The following HDAC9 variants were observed in gnomAD, a reference collection of about 807,000 sequenced individuals.
The protein encoded by HDAC9 is MEF-2 interacting transcription repressor (MITR) protein.
In HDAC9, 41 loss-of-function variants were observed where a neutral mutation model predicts 139.4. The observed-to-expected ratio is 0.29, with a 90% CI of 0.23 to 0.38. The LOEUF is 0.38. Among genes scored for constraint, HDAC9 ranks in the 10% least tolerant of loss-of-function variants. The probability of loss-of-function intolerance (pLI) is 1.00; values close to 1 mark genes in which losing one functional copy is unlikely to be tolerated. For missense variants in HDAC9, 1,147 were observed against 1,297.0 expected, an observed-to-expected ratio of 0.88 and a Z score of 1.78; for synonymous variants, 517 against 476.2, an observed-to-expected ratio of 1.09 and a Z score of -1.12.
chr7:18,936,267 T>A (rs1257677740), intron 23 of HDAC9, among the ~76,000 whole-genome samples: 1 of 150,444 alleles, frequency 6.6e-6, no homozygotes, highest in African/African-American at 2.5e-5. Context: ...AGGTTTCTTG[T>A]AGGGTTATGT....
chr7:18,321,042 G>A (rs1262734547), intron 1 of HDAC9, among the ~76,000 whole-genome samples: 2 of 152,142 alleles, frequency 1.3e-5, no homozygotes, highest in African/African-American at 4.8e-5. Flanking sequence ...TGTAGGCTAC[G>A]TATTTTCATA....
At chr7:18,571,611 ATTTTATT>A (rs946057468) in intron 2 of HDAC9, among the ~76,000 whole-genome samples, 11 of 151,850 alleles carry the variant, frequency 7.2e-5, no homozygotes, top group South Asian at 4.2e-4. Context: ...TTAAAACTTT[ATTTTATT>A]TTTTATTTTT....
intron 22 of HDAC9, among the ~76,000 whole-genome samples, chr7:18,906,543 C>G (rs184566913): frequency 6.6e-6 from 1 of 152,276 alleles, no homozygotes; most frequent in Admixed American, 6.5e-5. Context: ...GTTTTCTGCC[C>G]TGCTACAAAT....
intron 1 of HDAC9, among the ~76,000 whole-genome samples, chr7:18,313,185 C>T (rs939654253): frequency 3.9e-5 from 6 of 151,958 alleles, no homozygotes; most frequent in Non-Finnish European, 8.8e-5. Context: ...TAGCTGATTT[C>T]AGGGAAAAAG....
chr7:18,320,808 G>A (rs554544786), intron 1 of HDAC9, among the ~76,000 whole-genome samples: 8 of 152,176 alleles, frequency 5.3e-5, no homozygotes, highest in South Asian at 4.1e-4. Context: ...GCACTGGGCC[G>A]GGGGTAGACC....
intron 1 of HDAC9, among the ~76,000 whole-genome samples, chr7:18,468,285 G>A (rs1285715495): frequency 6.6e-6 from 1 of 152,044 alleles, no homozygotes; most frequent in African/African-American, 2.4e-5. Context: ...CTTCTGTATG[G>A]GAGATTTATC....
chr7:18,964,857 G>A (rs1379737205), intron 24 of HDAC9, among the ~76,000 whole-genome samples: 1 of 152,162 alleles, frequency 6.6e-6, no homozygotes, highest in African/African-American at 2.4e-5. Flanking sequence ...AACCTGTGGG[G>A]ATTATGAGGA....
At chr7:18,104,121 A>G (rs1783038642) in intron 1 of HDAC9, among the ~76,000 whole-genome samples, 1 of 152,210 alleles carries the variant, frequency 6.6e-6, no homozygotes, top group African/African-American at 2.4e-5. Flanking sequence ...CAAGGGGAGC[A>G]TGTGCAAACT....
chr7:18,758,069 G>C (rs1349305860), intron 14 of HDAC9, among the ~76,000 whole-genome samples: 1 of 152,126 alleles, frequency 6.6e-6, no homozygotes, highest in Non-Finnish European at 1.5e-5. Context: ...CACAGGGAAC[G>C]ATAAGGTAAC....
At chr7:18,157,338 G>T (rs111826370) in intron 1 of HDAC9, among the ~76,000 whole-genome samples, 6 of 152,104 alleles carry the variant, frequency 3.9e-5, no homozygotes, top group African/African-American at 1.4e-4. Context: ...AAACCATAGG[G>T]GTTATACATG....
chr7:18,572,878 C>T (rs962659628), intron 2 of HDAC9, among the ~76,000 whole-genome samples: 2 of 152,088 alleles, frequency 1.3e-5, no homozygotes, highest in African/African-American at 4.8e-5. Flanking sequence ...AACTAAGTGG[C>T]CATTACAGAT....
rs1214395517 is a variant in HDAC9 at position 18,382,706 on chromosome 7, A to G, written c.-42+92191A>G. ...TGTGTTTGCAGAAAAATTATTAGAA[A>G]TGACATGAAGGAATAGTAAGCTGAG... On this transcript the variant is annotated intron_variant, in intron 1 of 3. Coordinates refer to the HDAC9 transcript ENST00000413509. Among the ~76,000 whole-genome samples, 3 of 152,248 alleles carry G rather than the reference A, an allele frequency of 2.0e-5. No individual in the cohort carries two copies. The East Asian group carries it at 5.8e-4, about 29-fold the overall frequency.
At chr7:18,344,663 G>C (rs1782264571) in intron 1 of HDAC9, among the ~76,000 whole-genome samples, 1 of 151,726 alleles carries the variant, frequency 6.6e-6, no homozygotes, top group African/African-American at 2.4e-5. Context: ...CCTTTGTTTT[G>C]GCAGAAAAAA....
rs116359270 is a variant in HDAC9 at position 18,107,922 on chromosome 7, G to T, written c.-97+20709G>T. 6.6e-3 allele frequency among the ~76,000 whole-genome samples: 1,004 copies of T among 151,916 alleles called. 14 individuals are homozygous for T. The highest frequency in any genetic ancestry group is 0.023 in the African/African-American group (972 of 41,432). The stretch of plus-strand genomic sequence containing the variant: ...TTTTAAAACTAGAAATTCTTGTTTC[G>T]ACCCTATATGTCTTATTTGGGTTCT... On this transcript the variant is annotated intron_variant, in intron 1 of 12. Transcript: ENST00000417496.
chr7:18,335,671 C>A (rs530521590), intron 1 of HDAC9, among the ~76,000 whole-genome samples: 1 of 151,646 alleles, frequency 6.6e-6, no homozygotes, highest in South Asian at 2.1e-4. Context: ...AAATGCTGAG[C>A]TACTGTTTAT....
intron 2 of HDAC9, among the ~76,000 whole-genome samples, chr7:18,223,032 T>C (rs1387088881): frequency 1.3e-5 from 2 of 152,166 alleles, no homozygotes; most frequent in Non-Finnish European, 2.9e-5. Context: ...TACAATAATA[T>C]GAATAACAGT....
intron 19 of HDAC9, among the ~76,000 whole-genome samples, chr7:18,832,303 G>A (rs190498116): frequency 7.9e-5 from 12 of 152,272 alleles, no homozygotes; most frequent in East Asian, 3.9e-4. Context: ...GGGAAATTGC[G>A]TTGTTGATCA....
chr7:18,240,707 G>T (rs1453127889), intron 2 of HDAC9, among the ~76,000 whole-genome samples: 2 of 152,068 alleles, frequency 1.3e-5, no homozygotes, highest in African/African-American at 2.4e-5. Flanking sequence ...ATCTAGAAAA[G>T]TCATCCTCTT....
At chr7:18,298,222 C>T (rs1489365603) in intron 1 of HDAC9, among the ~76,000 whole-genome samples, 1 of 151,698 alleles carries the variant, frequency 6.6e-6, no homozygotes, top group Non-Finnish European at 1.5e-5. Flanking sequence ...CTTTTCTGAT[C>T]CATATTTATC....
Sources: gnomAD v4.1 joint callset for allele counts (sites outside exome capture counted in the v4.1 genomes callset) on GRCh38, gnomAD v4.1.1 for gene constraint, MANE v1.5 for transcripts, NCBI Gene and HGNC (gene_info 2026-07-23, HGNC 2026-07-21) for gene names.